STON1: variants seen among roughly 807,000 people sequenced by gnomAD.
The protein encoded by STON1 is stonin-1.
STON1 carries 79 observed loss-of-function variants against 60.9 expected under a neutral mutation model. The ratio of observed to expected loss-of-function variants is 1.30; its 90% CI spans 1.08 to 1.56. STON1 has a LOEUF of 1.56. STON1 is among the 40% of genes most tolerant of loss of function. The probability of loss-of-function intolerance (pLI) is 0.00; values close to 1 mark genes in which losing one functional copy is unlikely to be tolerated. For missense variants in STON1, 1,166 were observed against 858.9 expected, an observed-to-expected ratio of 1.36 and a Z score of -4.47; for synonymous variants, 363 against 306.9, an observed-to-expected ratio of 1.18 and a Z score of -1.91.
At chr2:48,566,852 G>A (rs1295508254) in intron 1 of STON1, among the ~76,000 whole-genome samples, 2 of 152,132 alleles carry the variant, frequency 1.3e-5, no homozygotes, top group South Asian at 2.1e-4. Context: ...GTGTGGCCTC[G>A]AGCCATTGGA....
At chr2:48,592,848 C>T (rs1004945955) in intron 3 of STON1, among the ~76,000 whole-genome samples, 1 of 151,700 alleles carries the variant, frequency 6.6e-6, no homozygotes, top group East Asian at 1.9e-4. Context: ...TTCCTGGTCT[C>T]AAGTGATCCT....
At chr2:48,555,389 G>C (rs1672297192) in intron 1 of STON1, among the ~76,000 whole-genome samples, 1 of 60,002 alleles carries the variant, frequency 1.7e-5, no homozygotes, top group Non-Finnish European at 3.5e-5. Context: ...CTTCCCAGTA[G>C]GGGCGGCCGG....
In STON1 at chr2:48,580,978, A is replaced by G; in HGVS notation, c.345A>G (p.Ala115=). Residue 115 remains alanine (A), a synonymous_variant, in exon 2 of 4, where the codon GCA becomes GCG. Transcript: ENST00000404752. ...IPESSSDSPL[A]ISGGESSLLP... is the part of the protein sequence containing the mutation. ...AATCATCTTCAGACAGCCCACTCGC[A>G]ATATCAGGAGGAGAATCTTCCTTAC... 6.3e-7 allele frequency: 1 copy of G among 1,576,854 alleles called. No homozygotes were observed.
At chr2:48,579,910 A>G (rs1673771681) in intron 1 of STON1, among the ~76,000 whole-genome samples, 1 of 151,852 alleles carries the variant, frequency 6.6e-6, no homozygotes, top group Non-Finnish European at 1.5e-5. Flanking sequence ...GGATATATAA[A>G]TATATATATA....
At chr2:48,536,939 A>G (rs1671456930) in intron 1 of STON1, among the ~76,000 whole-genome samples, 1 of 152,212 alleles carries the variant, frequency 6.6e-6, no homozygotes, top group South Asian at 2.1e-4. Flanking sequence ...TGGCCCATAG[A>G]AAGAAACATT....
chr2:48,592,453 A>C (rs939241277), intron 3 of STON1, among the ~76,000 whole-genome samples: 1 of 150,378 alleles, frequency 6.6e-6, no homozygotes, highest in Admixed American at 6.6e-5. Context: ...TTTTTTTAAG[A>C]CGGCATCTCA....
chr2:48,530,444 G>C (rs13015195), intron 1 of STON1: 25,409 of 184,246 alleles, frequency 0.14, 2,134 homozygotes, highest in Admixed American at 0.23. Flanking sequence ...GCTCCCCTCT[G>C]TTCTGAGACT....
intron 1 of STON1, among the ~76,000 whole-genome samples, chr2:48,561,550 G>C (rs967252205): frequency 6.6e-6 from 1 of 152,178 alleles, no homozygotes; most frequent in Non-Finnish European, 1.5e-5. Flanking sequence ...CCAGCTCACT[G>C]ACCTCCTTGC....
At chr2:48,572,227 G>C (rs1673247571) in intron 1 of STON1, among the ~76,000 whole-genome samples, 2 of 152,120 alleles carry the variant, frequency 1.3e-5, no homozygotes, top group Admixed American at 6.5e-5. Flanking sequence ...GGAAGAGGAG[G>C]GCAGTGGGAA....
chr2:48,539,577 C>G (rs533619061), intron 1 of STON1, among the ~76,000 whole-genome samples: 2 of 152,176 alleles, frequency 1.3e-5, no homozygotes, highest in African/African-American at 4.8e-5. Context: ...TCTTGGCTCA[C>G]TGCAACCTCT....
chr2:48,589,980 C>T (rs958918988), intron 2 of STON1, among the ~76,000 whole-genome samples: 1 of 152,180 alleles, frequency 6.6e-6, no homozygotes, highest in African/African-American at 2.4e-5. Context: ...TCCTCATTAT[C>T]CACATTTTTA....
At chr2:48,571,797 G>C in intron 1 of STON1, among the ~76,000 whole-genome samples, 1 of 152,186 alleles carries the variant, frequency 6.6e-6, no homozygotes, top group East Asian at 1.9e-4. Context: ...TGGGGGTTTT[G>C]AGACCAGAAT....
intron 1 of STON1, among the ~76,000 whole-genome samples, chr2:48,538,927 A>AT (rs1298850097): frequency 6.6e-6 from 1 of 151,542 alleles, no homozygotes; most frequent in East Asian, 1.9e-4. Context: ...CTATTTATTG[A>AT]TTTTTTAGAG....
At chr2:48,532,830 G>T (rs927485014) in intron 1 of STON1, among the ~76,000 whole-genome samples, 7 of 152,320 alleles carry the variant, frequency 4.6e-5, no homozygotes, top group African/African-American at 1.7e-4. Context: ...TGATCACCTG[G>T]ACAGGTCAGA....
chr2:48,547,009 C>T (rs1239773433), intron 1 of STON1, among the ~76,000 whole-genome samples: 1 of 152,098 alleles, frequency 6.6e-6, no homozygotes, highest in Non-Finnish European at 1.5e-5. Flanking sequence ...TCTGTTGAGT[C>T]AAATAAAGAA....
chr2:48,578,334 G>T (rs745571379), intron 1 of STON1, among the ~76,000 whole-genome samples: 1 of 152,198 alleles, frequency 6.6e-6, no homozygotes, highest in Non-Finnish European at 1.5e-5. Flanking sequence ...CTTGTCCAAC[G>T]TGCAGCCCAC....
At chr2:48,538,585 G>T (rs1303135374) in intron 1 of STON1, among the ~76,000 whole-genome samples, 3 of 151,294 alleles carry the variant, frequency 2.0e-5, no homozygotes, top group African/African-American at 7.3e-5. Context: ...ATGGTGCTGA[G>T]AATCTAGCTT....
In STON1 at chr2:48,595,482, A is replaced by G. The variant is rs1221433381; in HGVS notation, c.*180A>G. The G allele has an allele frequency of 5.2e-6, 3 of 572,526 alleles. No homozygotes were observed. Among genetic ancestry groups the G allele is most frequent in the East Asian group, 6.1e-5 (2 of 32,622 alleles). 35.5% of individuals were successfully genotyped at this position (572,526 alleles called of 1,614,324 possible). On this transcript the variant is annotated 3_prime_UTR_variant, in exon 4 of 4. Transcript: ENST00000404752. ...GAACAATCTGTATTTTTTGCTTTTC[A>G]TGTGTTTTTGTCCTAGGGGTTCGAT...
At position 48,595,235 on chromosome 2, in the gene STON1, T is replaced by C. The variant is rs1179493432; in HGVS notation, c.2141T>C (p.Ile714Thr). 6 of 1,613,654 alleles carry C rather than the reference T, an allele frequency of 3.7e-6. No individual in the cohort carries two copies. The highest frequency in any genetic ancestry group is 5.1e-6 in the Non-Finnish European group (6 of 1,179,656). The change falls in exon 4 of 4, where the codon ATA becomes ACA. Residue 714 changes from isoleucine (I) to threonine (T), a missense_variant. Transcript: ENST00000404752. ...TTTGCTTTTGCATAACAGGTTGAAA[T>C]AGAAAAGAAGTGGATTAAAATCGAT... The part of the protein sequence containing the change: ...QRACYNIQVE[I>T]EKKWIKIDGE...
Sources: gnomAD v4.1 joint callset for allele counts (sites outside exome capture counted in the v4.1 genomes callset) on GRCh38, gnomAD v4.1.1 for gene constraint, MANE v1.5 for transcripts, NCBI Gene and HGNC (gene_info 2026-07-23, HGNC 2026-07-21) for gene names.